The following INO80D variants were observed in gnomAD, a reference collection of about 807,000 sequenced individuals.
INO80D encodes INO80 complex subunit D.
INO80D carries 21 observed loss-of-function variants against 87.6 expected under a neutral mutation model. That is an observed-to-expected ratio of 0.24 (90% CI 0.17 to 0.35). The LOEUF is 0.35. Among genes scored for constraint, INO80D ranks in the 10% least tolerant of loss-of-function variants. The probability of loss-of-function intolerance (pLI) is 1.00; values close to 1 mark genes in which losing one functional copy is unlikely to be tolerated. For missense variants in INO80D, 982 were observed against 1,280.7 expected (o/e 0.77, Z 3.56); for synonymous variants, 440 against 491.0 (o/e 0.90, Z 1.37).
intron 1 of INO80D, among the ~76,000 whole-genome samples, chr2:206,080,827 C>T (rs1334475973): frequency 2.0e-4 from 28 of 140,788 alleles, no homozygotes; most frequent in Non-Finnish European, 3.0e-5. Context: ...GGCGTGAACC[C>T]GGGAGGTGAA....
chr2:206,069,957 A>G (rs1329054599), intron 1 of INO80D, among the ~76,000 whole-genome samples: 1 of 152,204 alleles, frequency 6.6e-6, no homozygotes, highest in African/African-American at 2.4e-5. Flanking sequence ...TGTGGAAACT[A>G]TAAGCCACGA....
intron 10 of INO80D, among the ~76,000 whole-genome samples, chr2:206,006,682 CAA>C (rs141777082): frequency 2.9e-4 from 28 of 97,082 alleles, no homozygotes; most frequent in Admixed American, 4.0e-4. Flanking sequence ...GACTCCATCT[CAA>C]AAAAAAAAAA....
At chr2:206,031,192 T>C (rs559794257) in intron 5 of INO80D, among the ~76,000 whole-genome samples, 1 of 151,184 alleles carries the variant, frequency 6.6e-6, no homozygotes, top group South Asian at 2.1e-4. Flanking sequence ...AGGCAGAGGT[T>C]GCAGTGAGCC....
chr2:206,073,151 TTGAG>T (rs1241112367), intron 1 of INO80D, among the ~76,000 whole-genome samples: 2 of 152,108 alleles, frequency 1.3e-5, no homozygotes, highest in East Asian at 3.8e-4. Flanking sequence ...TTTCTTCTAA[TTGAG>T]TATTATTGTA....
chr2:206,030,594 C>T (rs963785547), intron 5 of INO80D, among the ~76,000 whole-genome samples: 11 of 152,012 alleles, frequency 7.2e-5, no homozygotes, highest in African/African-American at 1.9e-4. Flanking sequence ...CAGAGATAGA[C>T]AGGATGGTGA....
Position 206,003,758 on chromosome 2 carries a change from C to G in INO80D, c.*610G>C, listed in dbSNP as rs1375289871. ...AAAAAAAATCAAACTAATGGGACAGCTGCTTCCTGCACTGCACAAAAACAC... is the reference window on the plus strand; with the variant it reads ...AAAAAAAATCAAACTAATGGGACAGGTGCTTCCTGCACTGCACAAAAACAC... On this transcript the variant is annotated 3_prime_UTR_variant, in exon 11 of 11. Transcript: ENST00000403263. 6.5e-6 allele frequency: 1 copy of G among 154,078 alleles called. No homozygotes were observed. Among genetic ancestry groups the G allele is most frequent in the Non-Finnish European group, 1.4e-5 (1 of 69,304 alleles). The allele number at this position is 154,078 out of a possible 1,614,324, so 9.5% of individuals were successfully genotyped here. A position where few individuals can be genotyped will look rare whatever the true frequency, so the allele number is the denominator to read the frequency against.
intron 5 of INO80D, among the ~76,000 whole-genome samples, chr2:206,029,118 G>A (rs1688697170): frequency 6.6e-6 from 1 of 151,992 alleles, no homozygotes; most frequent in Non-Finnish European, 1.5e-5. Context: ...TCGATCTCCT[G>A]ACCTTGTCAT....
At chr2:206,023,410 G>A (rs778656891) in intron 6 of INO80D, among the ~76,000 whole-genome samples, 6 of 152,014 alleles carry the variant, frequency 3.9e-5, no homozygotes, top group Non-Finnish European at 7.4e-5. Flanking sequence ...CCGGCTGGGC[G>A]CAGTGGCTCA....
In INO80D at chr2:206,009,570, C is replaced by G. The variant is rs1338189274; in HGVS notation, c.1760+7G>C. The G allele has an allele frequency of 2.5e-6, 4 of 1,604,220 alleles. No homozygotes were observed. In the African/African-American group the frequency reaches 5.4e-5, roughly 22 times the overall value. Reference sequence around the variant, plus strand: ...AAGAAAAATTAGGTGCCAGTGGCACCACTGACCGGATGTGAGAGGCCTCCA... The same window carrying G: ...AAGAAAAATTAGGTGCCAGTGGCACGACTGACCGGATGTGAGAGGCCTCCA... On this transcript the variant is annotated splice_region_variant and intron_variant, in intron 9 of 10. Transcript: ENST00000403263.
chr2:206,043,786 G>C (rs565026006), intron 5 of INO80D, among the ~76,000 whole-genome samples: 1 of 151,642 alleles, frequency 6.6e-6, no homozygotes, highest in South Asian at 2.1e-4. Context: ...GTGCCTGGCC[G>C]AGGTAGGGCC....
At chr2:206,040,473 G>A (rs1297404523) in intron 5 of INO80D, 2 of 211,788 alleles carry the variant, frequency 9.4e-6, no homozygotes, top group African/African-American at 2.3e-5. Context: ...TGCTGGTCCT[G>A]GCCAGCAGTA....
At chr2:206,074,794 C>A (rs1033744534) in intron 1 of INO80D, among the ~76,000 whole-genome samples, 1 of 151,994 alleles carries the variant, frequency 6.6e-6, no homozygotes, top group Non-Finnish European at 1.5e-5. Flanking sequence ...ACAAAATTAG[C>A]CAGGTGTGGT....
intron 4 of INO80D, among the ~76,000 whole-genome samples, chr2:206,052,073 G>A (rs1258641324): frequency 1.3e-5 from 2 of 152,198 alleles, no homozygotes; most frequent in Non-Finnish European, 2.9e-5. Flanking sequence ...ATACTATTCT[G>A]TGTGAGTAAA....
Position 206,004,905 on chromosome 2 carries a change from T to A in INO80D, c.2547A>T (p.Thr849=), listed in dbSNP as rs1687982842. ...YSDHITSPHT[T]SYSGDNMAAT... ...CTGCCATATTATCACCAGAGTACGATGTTGTGTGGGGAGAGGTGATATGGT... is the reference window on the plus strand; with the variant it reads ...CTGCCATATTATCACCAGAGTACGAAGTTGTGTGGGGAGAGGTGATATGGT... The change falls in exon 11 of 11, where the codon ACA becomes ACT. Residue 849 remains threonine (T), a synonymous_variant. Coordinates refer to ENST00000403263, the MANE Select transcript of INO80D (RefSeq NM_017759.5). The surrounding 1 kb of genome is among the most constrained non-coding windows in gnomAD (Gnocchi z 4.9). The A allele has an allele frequency of 6.2e-7, 1 of 1,613,730 alleles. No homozygotes were observed. Among genetic ancestry groups the A allele is most frequent in the Non-Finnish European group, 8.5e-7 (1 of 1,179,848 alleles).
chr2:206,060,359 C>T (rs957547344), intron 3 of INO80D, among the ~76,000 whole-genome samples: 2 of 151,894 alleles, frequency 1.3e-5, no homozygotes, highest in Admixed American at 1.3e-4. Context: ...ATGGTGAAAC[C>T]CCATCTCTAC....
At chr2:206,051,562 T>C (rs2105874572) in intron 4 of INO80D, among the ~76,000 whole-genome samples, 1 of 152,230 alleles carries the variant, frequency 6.6e-6, no homozygotes, top group South Asian at 2.1e-4. Context: ...ATATTATTAA[T>C]CCAAAATAGC....
intron 3 of INO80D, among the ~76,000 whole-genome samples, chr2:206,060,126 G>T (rs900829717): frequency 7.2e-5 from 11 of 152,048 alleles, no homozygotes; most frequent in Non-Finnish European, 1.6e-4. Context: ...GATCATTTGA[G>T]GCCCAAAGTT....
intron 4 of INO80D, among the ~76,000 whole-genome samples, chr2:206,047,140 T>G (rs1347934620): frequency 6.6e-6 from 1 of 152,124 alleles, no homozygotes; most frequent in East Asian, 1.9e-4. Context: ...ACAGATGAAC[T>G]TCTTTTGTCA....
chr2:206,004,848 C>G lies in INO80D; in HGVS notation c.2604G>C (p.Ala868=). ...ATFSAEMPIM[A]QHLLPTQLEV... ...CAAGTTGGGTTGGGAGCAAGTGCTG[C>G]GCCATGATGGGCATCTCTGCTGAAA... Residue 868 remains alanine, a synonymous_variant, in exon 11 of 11, where the codon GCG becomes GCC. Transcript: ENST00000403263. The surrounding 1 kb of genome is among the most constrained non-coding windows in gnomAD (Gnocchi z 4.9). 1 of 1,613,982 alleles carries G rather than the reference C, an allele frequency of 6.2e-7. No homozygotes were observed. The highest frequency in any genetic ancestry group is 8.5e-7 in the Non-Finnish European group (1 of 1,179,882).
Sources: gnomAD v4.1 joint callset for allele counts (sites outside exome capture counted in the v4.1 genomes callset) on GRCh38, gnomAD v4.1.1 for gene constraint, Gnocchi (gnomAD v3.1) non-coding constraint, MANE v1.5 for transcripts, NCBI Gene and HGNC (gene_info 2026-07-23, HGNC 2026-07-21) for gene names.